The following DYSF variants were observed in gnomAD, a reference collection of about 807,000 sequenced individuals.
The protein encoded by DYSF is dystrophy-associated fer-1-like 1.
DYSF carries 212 observed loss-of-function variants against 274.9 expected under a neutral mutation model. The observed-to-expected ratio is 0.77, with a 90% CI of 0.69 to 0.86. The LOEUF is 0.86. DYSF is among the 40% of genes least tolerant of loss of function. The pLI is 0.00. For synonymous variants in DYSF, 1,091 were observed against 1,078.7 expected (o/e 1.01, Z -0.22); for missense variants, 2,666 against 2,783.2 (o/e 0.96, Z 0.95).
intron 3 of DYSF, among the ~76,000 whole-genome samples, chr2:71,500,047 C>G (rs997614057): frequency 1.3e-5 from 2 of 152,142 alleles, no homozygotes; most frequent in Admixed American, 6.5e-5. Context: ...GCAGAGGGCA[C>G]CTGGCCCTGG....
intron 32 of DYSF, 38 bp downstream of exon 32, chr2:71,590,326 G>A: frequency 6.2e-7 from 1 of 1,609,566 alleles, no homozygotes; most frequent in Middle Eastern, 1.7e-4. Flanking sequence ...GAGACTGTGG[G>A]CTGAGATCTG....
At chr2:71,553,764 C>T in intron 20 of DYSF, 43 bp from the exon 21 acceptor site, 1 of 1,532,590 alleles carries the variant, frequency 6.5e-7, no homozygotes, top group Non-Finnish European at 8.9e-7. Context: ...CCCACCCGCC[C>T]TCCACTCCTG....
At chr2:71,624,437 C>T (rs1024466540) in intron 41 of DYSF, among the ~76,000 whole-genome samples, 1 of 152,164 alleles carries the variant, frequency 6.6e-6, no homozygotes, top group African/African-American at 2.4e-5. Context: ...ACTTTGATAT[C>T]GGGGTTATAC....
rs749619435 is a variant in DYSF at position 71,682,610 on chromosome 2, C to CCATCATCCTCTT, written c.6271_6282dup (p.Ile2091_Ile2094dup). 7 of 1,614,154 alleles carry CCATCATCCTCTT rather than the reference C, an allele frequency of 4.3e-6. No homozygotes were observed. In the African/African-American group the frequency reaches 5.3e-5, roughly 12 times the overall value. ...ATCCTGTGGCGGCGTTTCCGGTGGG[C>CCATCATCCTCTT]CATCATCCTCTTCATCATCCTCTTC... On this transcript the variant is annotated inframe_insertion, in exon 55 of 56. Coordinates refer to ENST00000410020, the MANE Select transcript of DYSF (RefSeq NM_001130987.2).
At chr2:71,604,377 T>A (rs1558594318) in intron 36 of DYSF, among the ~76,000 whole-genome samples, 1 of 141,540 alleles carries the variant, frequency 7.1e-6, no homozygotes, top group African/African-American at 3.1e-5. Flanking sequence ...TGTTTCTGTC[T>A]TCTTTGCTGT....
chr2:71,636,484 G>T (rs1168829535), intron 41 of DYSF, among the ~76,000 whole-genome samples: 1 of 150,312 alleles, frequency 6.7e-6, no homozygotes, highest in Non-Finnish European at 1.5e-5. Context: ...AGTCAAAGGT[G>T]AGTGCAGGGA....
At chr2:71,533,527 G>A (rs929609633) in intron 14 of DYSF, among the ~76,000 whole-genome samples, 2 of 152,204 alleles carry the variant, frequency 1.3e-5, no homozygotes, top group Non-Finnish European at 2.9e-5. Context: ...GTGGACACAT[G>A]GGTTGTTCCA....
chr2:71,668,883 TG>T (rs1471844508), intron 49 of DYSF, 41 bp downstream of exon 49: 6 of 1,591,400 alleles, frequency 3.8e-6, no homozygotes, highest in Non-Finnish European at 5.2e-6. Flanking sequence ...GGCTGAGGGG[TG>T]GGGGCGTTGC....
chr2:71,553,985 C>T, intron 21 of DYSF, 54 bp downstream of exon 21: 5 of 1,613,288 alleles, frequency 3.1e-6, no homozygotes, highest in Non-Finnish European at 3.4e-6. Flanking sequence ...CCTGCTACCC[C>T]CGCTGCATGG....
chr2:71,684,559 GA>G (rs1350833235), intron 55 of DYSF, among the ~76,000 whole-genome samples: 7 of 152,210 alleles, frequency 4.6e-5, no homozygotes, highest in Non-Finnish European at 1.0e-4. Flanking sequence ...AGAGAGTAAG[GA>G]AAAGTACTGT....
intron 51 of DYSF, among the ~76,000 whole-genome samples, chr2:71,670,330 A>G (rs991485563): frequency 6.6e-6 from 1 of 152,218 alleles, no homozygotes; most frequent in Non-Finnish European, 1.5e-5. Flanking sequence ...GAGTAGGGAC[A>G]CCCAGCATGG....
At chr2:71,553,492 G>A (rs1263830760) in intron 20 of DYSF, among the ~76,000 whole-genome samples, 1 of 152,196 alleles carries the variant, frequency 6.6e-6, no homozygotes, top group African/African-American at 2.4e-5. Flanking sequence ...GGGTTTCCCA[G>A]GGCAGCTCTA....
chr2:71,667,525 T>G lies in DYSF; in HGVS notation c.5457+10T>G, dbSNP rs374469230. 3.1e-6 allele frequency: 5 copies of G among 1,613,906 alleles called. No individual in the cohort carries two copies. The African/African-American group carries it at 4.0e-5, about 13-fold the overall frequency. On this transcript the variant is annotated intron_variant, in intron 48 of 55. Transcript: ENST00000410020. The stretch of plus-strand genomic sequence containing the variant: ...GCCAGACATCGAGCAGGTAGGACCT[T>G]GACCCTTGGGTCCCAGAGTCCTCGA...
chr2:71,465,823 C>T (rs13431718), upstream of DYSF, among the ~76,000 whole-genome samples: 34,200 of 152,040 alleles, frequency 0.22, 4,290 homozygotes, highest in East Asian at 0.45. Flanking sequence ...GAAGTTCATA[C>T]GCTGGAAAGG....
chr2:71,488,944 A>G lies in DYSF; in HGVS notation c.239+6974A>G, dbSNP rs28384152. The stretch of plus-strand genomic sequence containing the variant: ...AACCTGAGAACTTTCCTGAGCCCCA[A>G]TGCTCCTTCTCCTCCTTCCTCCTTC... On this transcript the variant is annotated intron_variant, in intron 3 of 55. Transcript: ENST00000410020. 5.7e-3 allele frequency among the ~76,000 whole-genome samples: 852 copies of G among 150,574 alleles called. 11 individuals carry two copies. Among genetic ancestry groups the G allele is most frequent in the African/African-American group, 0.019 (747 of 39,982 alleles).
intron 35 of DYSF, among the ~76,000 whole-genome samples, chr2:71,602,052 C>T (rs577455194): frequency 6.6e-6 from 1 of 152,244 alleles, no homozygotes; most frequent in Non-Finnish European, 1.5e-5. Flanking sequence ...ATTGTTCTTA[C>T]CAAGACCTCA....
At chr2:71,478,212 ATTT>A (rs61626723) in intron 1 of DYSF, among the ~76,000 whole-genome samples, 2 of 140,870 alleles carry the variant, frequency 1.4e-5, no homozygotes, top group African/African-American at 2.6e-5. Context: ...ATCCTCAATA[ATTT>A]TTTTTTTTTT....
chr2:71,518,646 G>C (rs1249938245), intron 10 of DYSF, among the ~76,000 whole-genome samples: 1 of 152,118 alleles, frequency 6.6e-6, no homozygotes, highest in Non-Finnish European at 1.5e-5. Flanking sequence ...CAAAAGGAAA[G>C]AAAGAGCACA....
At chr2:71,580,864 T>A (rs192885783) in intron 30 of DYSF, among the ~76,000 whole-genome samples, 49 of 152,328 alleles carry the variant, frequency 3.2e-4, no homozygotes, top group Admixed American at 2.9e-3. Flanking sequence ...GAGGATTCGA[T>A]TGCGTGTCCA....
Sources: gnomAD v4.1 joint callset for allele counts (sites outside exome capture counted in the v4.1 genomes callset) on GRCh38, gnomAD v4.1.1 for gene constraint, MANE v1.5 for transcripts, NCBI Gene and HGNC (gene_info 2026-07-23, HGNC 2026-07-21) for gene names.